The following SAMD4A variants were observed in gnomAD, a reference collection of about 807,000 sequenced individuals.
The protein encoded by SAMD4A is protein Smaug homolog 1.
In SAMD4A, 33 loss-of-function variants were observed where a neutral mutation model predicts 81.3. The observed-to-expected ratio is 0.41, with a 90% CI of 0.31 to 0.54. SAMD4A has a LOEUF of 0.54. Ranked by LOEUF, SAMD4A falls within the 20% of genes least tolerant of loss-of-function variation. The probability of loss-of-function intolerance (pLI) is 0.37; values close to 1 mark genes in which losing one functional copy is unlikely to be tolerated. For missense variants in SAMD4A, 854 were observed against 951.1 expected (o/e 0.90, Z 1.34); for synonymous variants, 389 against 382.1 (o/e 1.02, Z -0.21).
Position 54,712,797 on chromosome 14 carries a change from A to G in SAMD4A, c.715+10217A>G, listed in dbSNP as rs2037023941. ...TGTGCTCTCCATCCCCCATCCAGGA[A>G]GATTTTTTTAGACTTCAGTGACAGT... On this transcript the variant is annotated intron_variant, in intron 3 of 12. Coordinates refer to ENST00000554335, the MANE Select transcript of SAMD4A (RefSeq NM_015589.6). 2.6e-5 allele frequency among the ~76,000 whole-genome samples: 4 copies of G among 152,142 alleles called. No individual in the cohort carries two copies. The South Asian group carries it at 8.3e-4, about 31-fold the overall frequency.
chr14:54,662,491 C>T (rs950355018), intron 2 of SAMD4A, among the ~76,000 whole-genome samples: 1 of 150,988 alleles, frequency 6.6e-6, no homozygotes, highest in African/African-American at 2.4e-5. Flanking sequence ...CTCACTGCAA[C>T]CTCCACCTCC....
chr14:54,670,760 G>A (rs1279005189), intron 2 of SAMD4A, among the ~76,000 whole-genome samples: 1 of 152,212 alleles, frequency 6.6e-6, no homozygotes, highest in East Asian at 1.9e-4. Flanking sequence ...AGGGAACAGA[G>A]GAGAACTTAA....
chr14:54,767,022 C>T (rs938102399), intron 8 of SAMD4A, among the ~76,000 whole-genome samples: 5 of 152,164 alleles, frequency 3.3e-5, no homozygotes, highest in Non-Finnish European at 5.9e-5. Context: ...CTGGGGGCCC[C>T]GGTCAGGAAG....
intron 2 of SAMD4A, among the ~76,000 whole-genome samples, chr14:54,621,670 A>G (rs906329951): frequency 1.3e-5 from 2 of 152,248 alleles, no homozygotes; most frequent in African/African-American, 4.8e-5. Flanking sequence ...CTCAAAACGC[A>G]TTTTTGATGT....
intron 2 of SAMD4A, among the ~76,000 whole-genome samples, chr14:54,699,988 ATTG>A (rs1320859734): frequency 6.6e-6 from 1 of 152,206 alleles, no homozygotes; most frequent in Non-Finnish European, 1.5e-5. Flanking sequence ...ATCTCTTCAT[ATTG>A]TTGTAAGCAC....
chr14:54,789,020 G>A lies in SAMD4A; in HGVS notation c.*76G>A. On this transcript the variant is annotated 3_prime_UTR_variant, in exon 13 of 13. Transcript: ENST00000554335. Reference sequence around the variant, plus strand: ...TCCAGTGTCCGCCATCTTCAGGGTTGCACAGAATCCTCCAAGATACTTTGC... The same window carrying A: ...TCCAGTGTCCGCCATCTTCAGGGTTACACAGAATCCTCCAAGATACTTTGC... 1 of 1,518,004 alleles carries A rather than the reference G, an allele frequency of 6.6e-7. No homozygotes were observed. 94.0% of individuals were successfully genotyped at this position (1,518,004 alleles called of 1,614,324 possible).
chr14:54,625,194 T>A (rs2034715658), intron 2 of SAMD4A, among the ~76,000 whole-genome samples: 1 of 152,182 alleles, frequency 6.6e-6, no homozygotes, highest in Admixed American at 6.5e-5. Context: ...CTGCCAATGA[T>A]AGTATTTTGC....
At chr14:54,698,773 A>G (rs1489125566) in intron 2 of SAMD4A, among the ~76,000 whole-genome samples, 1 of 152,220 alleles carries the variant, frequency 6.6e-6, no homozygotes, top group African/African-American at 2.4e-5. Context: ...CTGAGGATAA[A>G]GGGACCGGGG....
intron 3 of SAMD4A, among the ~76,000 whole-genome samples, chr14:54,710,124 A>T (rs146022114): frequency 3.5e-4 from 53 of 152,300 alleles, no homozygotes; most frequent in African/African-American, 1.2e-3. Flanking sequence ...TGAGGTAAGA[A>T]CTCAGAAACT....
At chr14:54,752,528 G>T (rs2038133679) in intron 6 of SAMD4A, among the ~76,000 whole-genome samples, 2 of 152,348 alleles carry the variant, frequency 1.3e-5, no homozygotes, top group Non-Finnish European at 2.9e-5. Context: ...AGCAAGTTTT[G>T]TGAGCACATC....
chr14:54,752,760 G>A (rs1345110493), intron 6 of SAMD4A, among the ~76,000 whole-genome samples: 1 of 152,110 alleles, frequency 6.6e-6, no homozygotes, highest in African/African-American at 2.4e-5. Context: ...CACCGGCACC[G>A]GTCTCTGAGT....
intron 2 of SAMD4A, among the ~76,000 whole-genome samples, chr14:54,657,811 A>G (rs759379638): frequency 9.2e-5 from 14 of 152,266 alleles, no homozygotes; most frequent in Non-Finnish European, 1.8e-4. Flanking sequence ...AGACTGTCCT[A>G]TTTGGGGTCT....
intron 2 of SAMD4A, among the ~76,000 whole-genome samples, chr14:54,590,771 C>T (rs778568714): frequency 6.6e-6 from 1 of 152,186 alleles, no homozygotes; most frequent in Non-Finnish European, 1.5e-5. Flanking sequence ...TACCAGGTAG[C>T]ATGCTTTCCA....
intron 3 of SAMD4A, among the ~76,000 whole-genome samples, chr14:54,735,560 C>T (rs533193045): frequency 1.3e-5 from 2 of 152,306 alleles, no homozygotes; most frequent in Middle Eastern, 3.4e-3. Context: ...ACAAGGCTGC[C>T]CTTCTGGCCA....
chr14:54,771,615 C>T (rs2038707417), intron 9 of SAMD4A, among the ~76,000 whole-genome samples: 1 of 152,240 alleles, frequency 6.6e-6, no homozygotes, highest in South Asian at 2.1e-4. Flanking sequence ...AAGGCAAGGT[C>T]TGCTTCCTTG....
chr14:54,737,338 G>GAGACC, intron 4 of SAMD4A, 51 bp downstream of exon 4: 1 of 1,595,876 alleles, frequency 6.3e-7, no homozygotes, highest in African/African-American at 1.4e-5. Context: ...CCCTTTATTG[G>GAGACC]AGACCAGAGG....
intron 6 of SAMD4A, among the ~76,000 whole-genome samples, chr14:54,759,916 C>G (rs977693754): frequency 1.3e-5 from 2 of 152,190 alleles, no homozygotes; most frequent in Non-Finnish European, 2.9e-5. Context: ...GTGGTCATCT[C>G]TAGATAGTGG....
At chr14:54,728,467 A>C (rs2037479835) in intron 3 of SAMD4A, among the ~76,000 whole-genome samples, 1 of 152,208 alleles carries the variant, frequency 6.6e-6, no homozygotes, top group Non-Finnish European at 1.5e-5. Context: ...GAGCCAGGAG[A>C]GCCTAAACCA....
intron 3 of SAMD4A, among the ~76,000 whole-genome samples, chr14:54,736,749 C>T (rs1435961683): frequency 3.9e-5 from 6 of 152,194 alleles, no homozygotes; most frequent in African/African-American, 1.4e-4. Context: ...AGAACCAAAA[C>T]CAGATCCAGA....
Sources: allele counts gnomAD v4.1 joint callset (sites outside exome capture counted in the v4.1 genomes callset), GRCh38; gene constraint gnomAD v4.1.1; transcripts MANE v1.5; gene names NCBI Gene and HGNC (gene_info 2026-07-23, HGNC 2026-07-21).